The following NFATC1 variants were observed in gnomAD, a reference collection of about 807,000 sequenced individuals.
The protein encoded by NFATC1 is nuclear factor of activated T cells 1.
NFATC1 carries 22 observed loss-of-function variants against 76.0 expected under a neutral mutation model. The ratio of observed to expected loss-of-function variants is 0.29; its 90% confidence interval spans 0.21 to 0.41. The LOEUF (loss-of-function observed/expected upper bound fraction) is 0.41. Among genes scored for constraint, NFATC1 ranks in the 10% least tolerant of loss-of-function variants. NFATC1 has a pLI of 1.00. For missense variants in NFATC1, 1,357 were observed against 1,337.7 expected, an observed-to-expected ratio of 1.01 and a Z score of -0.23; for synonymous variants, 704 against 613.1, an observed-to-expected ratio of 1.15 and a Z score of -2.19.
intron 3 of NFATC1, among the ~76,000 whole-genome samples, chr18:79,436,594 A>G (rs773255773): frequency 1.9e-4 from 29 of 152,250 alleles, no homozygotes; most frequent in East Asian, 1.9e-4. Context: ...TGTGTTTCGC[A>G]GTTGGGAAGT....
intron 2 of NFATC1, among the ~76,000 whole-genome samples, chr18:79,428,958 C>T (rs550753839): frequency 1.3e-5 from 2 of 152,020 alleles, no homozygotes; most frequent in East Asian, 1.9e-4. Flanking sequence ...CAGTGGCTCA[C>T]GCCTGTAATC....
At chr18:79,447,716 T>C (rs1206403362) in intron 3 of NFATC1, among the ~76,000 whole-genome samples, 1 of 152,236 alleles carries the variant, frequency 6.6e-6, no homozygotes, top group Non-Finnish European at 1.5e-5. Context: ...TTGTGCTTGC[T>C]TTGAGAATCA....
chr18:79,459,854 TGCATCTGGGCTGGGG>T (rs2087965589), intron 6 of NFATC1, among the ~76,000 whole-genome samples: 1 of 152,162 alleles, frequency 6.6e-6, no homozygotes, highest in Admixed American at 6.5e-5. Context: ...TTCTGAGTGG[TGCATCTGGGCTGGGG>T]GCTTCTGGGA....
At position 79,410,259 on chromosome 18, in the gene NFATC1, C is replaced by A; in HGVS notation, c.128-144C>A. 1 of 1,331,300 alleles carries A rather than the reference C, an allele frequency of 7.5e-7. No individual in the cohort carries two copies. Among genetic ancestry groups the A allele is most frequent in the Non-Finnish European group, 1.0e-6 (1 of 972,562 alleles). The allele number at this position is 1,331,300 out of a possible 1,614,324, so 82.5% of individuals were successfully genotyped here. On this transcript the variant is annotated intron_variant, in intron 1 of 9. Coordinates refer to ENST00000427363, the MANE Select transcript of NFATC1 (RefSeq NM_001278669.2). The surrounding 1 kb of genome is among the most constrained non-coding windows in gnomAD (Gnocchi z 6.7). Reference sequence around the variant, plus strand: ...CAAGTCGCCCGGAGCTGTCCGGCAGCGTGGTCTCAGGGACGTTTGCTGAGG... The same window carrying A: ...CAAGTCGCCCGGAGCTGTCCGGCAGAGTGGTCTCAGGGACGTTTGCTGAGG...
intron 2 of NFATC1, among the ~76,000 whole-genome samples, chr18:79,426,236 CT>C (rs57237993): frequency 0.19 from 27,727 of 146,248 alleles, 5,440 homozygotes; most frequent in African/African-American, 0.5. Context: ...CAGGATATGT[CT>C]TTTTTTTTTT....
chr18:79,476,181 C>T (rs944337059), intron 8 of NFATC1, among the ~76,000 whole-genome samples: 24 of 152,328 alleles, frequency 1.6e-4, no homozygotes, highest in African/African-American at 2.4e-4. Context: ...GCAAGAGGGG[C>T]GCCCTGAGCT....
At chr18:79,511,464 C>G (rs1429019012) in intron 9 of NFATC1, among the ~76,000 whole-genome samples, 1 of 152,216 alleles carries the variant, frequency 6.6e-6, no homozygotes, top group Non-Finnish European at 1.5e-5. Context: ...GCAGTGACTC[C>G]ACGGTGGCTT....
At chr18:79,479,856 C>T (rs530640299) in intron 8 of NFATC1, among the ~76,000 whole-genome samples, 1 of 152,216 alleles carries the variant, frequency 6.6e-6, no homozygotes, top group African/African-American at 2.4e-5. Context: ...GGGGAAGGCC[C>T]GGTCCCGGTG....
rs760085835 is a variant in NFATC1 at position 79,486,675 on chromosome 18, C to T, written c.2520C>T (p.His840=). The T allele has an allele frequency of 1.4e-5, 23 of 1,602,978 alleles. No individual in the cohort carries two copies. In the East Asian group the frequency reaches 4.0e-4, roughly 28 times the overall value. ...PSSSCPPGLE[H]SLCPSSPSPP... ...GTAGCTGCCCCCCTGGTCTCGAACA[C>T]TCGCTCTGCCCCAGCAGCCCCTCTC... Residue 840 remains histidine (H), a synonymous_variant, in exon 9 of 10, where the codon CAC becomes CAT. Coordinates refer to ENST00000427363, the MANE Select transcript of NFATC1 (RefSeq NM_001278669.2).
intron 3 of NFATC1, among the ~76,000 whole-genome samples, chr18:79,444,375 C>T (rs961068174): frequency 6.6e-6 from 1 of 152,240 alleles, no homozygotes; most frequent in African/African-American, 2.4e-5. Context: ...CTGCACTGCA[C>T]ACTGGGAACC....
At chr18:79,415,680 G>C (rs2085853596) in intron 2 of NFATC1, among the ~76,000 whole-genome samples, 1 of 152,194 alleles carries the variant, frequency 6.6e-6, no homozygotes. Context: ...TTCCTAAGGG[G>C]CGAGATAGGC....
intron 7 of NFATC1, among the ~76,000 whole-genome samples, chr18:79,463,973 TTC>T (rs1424962824): frequency 6.6e-6 from 1 of 152,264 alleles, no homozygotes; most frequent in Non-Finnish European, 1.5e-5. Context: ...CTCTGTGATT[TTC>T]TGTTTTACTT....
chr18:79,489,572 C>A (rs1016080847), intron 9 of NFATC1, among the ~76,000 whole-genome samples: 1 of 152,204 alleles, frequency 6.6e-6, no homozygotes, highest in Non-Finnish European at 1.5e-5. Flanking sequence ...CAGTTCCCAG[C>A]GGGCCTCTCT....
intron 9 of NFATC1, among the ~76,000 whole-genome samples, chr18:79,510,724 CAG>C (rs2090223262): frequency 6.6e-6 from 1 of 152,244 alleles, no homozygotes; most frequent in African/African-American, 2.4e-5. Context: ...TTCTAGAAGA[CAG>C]GGTGTGGGGG....
At chr18:79,455,882 A>G (rs1017121417) in intron 6 of NFATC1, among the ~76,000 whole-genome samples, 1 of 152,164 alleles carries the variant, frequency 6.6e-6, no homozygotes, top group Admixed American at 6.5e-5. Context: ...CAGGAGACGC[A>G]GGCTAGGTTT....
At chr18:79,455,511 A>G (rs2087660297) in intron 6 of NFATC1, among the ~76,000 whole-genome samples, 1 of 152,154 alleles carries the variant, frequency 6.6e-6, no homozygotes, top group African/African-American at 2.4e-5. Flanking sequence ...CAGGGCTCCT[A>G]GGCCCAGGCC....
chr18:79,440,837 T>TG (rs1446776192), intron 3 of NFATC1, among the ~76,000 whole-genome samples: 2 of 152,262 alleles, frequency 1.3e-5, no homozygotes, highest in African/African-American at 4.8e-5. Flanking sequence ...GAGGAGCTGC[T>TG]GGGCGGGACG....
Position 79,404,889 on chromosome 18 carries a change from C to T in NFATC1, c.128-5514C>T, listed in dbSNP as rs2085382293. Among the ~76,000 whole-genome samples, 3 of 152,198 alleles carry T rather than the reference C, an allele frequency of 2.0e-5. 1 individual carries two copies. Among genetic ancestry groups the T allele is most frequent in the Admixed American group, 2.0e-4 (3 of 15,286 alleles). On this transcript the variant is annotated intron_variant, in intron 1 of 9. Transcript: ENST00000427363. ...GCTGTGCACCTGTAGGGAGCCCTGA[C>T]CAGAAGTATTTCATGTATTAATTTA...
intron 2 of NFATC1, among the ~76,000 whole-genome samples, chr18:79,415,352 G>A (rs1207766854): frequency 2.6e-5 from 4 of 151,956 alleles, no homozygotes; most frequent in African/African-American, 7.3e-5. Context: ...GCACAATCTC[G>A]GCTCACTGCA....
Sources: gnomAD v4.1 joint callset for allele counts (sites outside exome capture counted in the v4.1 genomes callset) on GRCh38, gnomAD v4.1.1 for gene constraint, Gnocchi (gnomAD v3.1) non-coding constraint, MANE v1.5 for transcripts, NCBI Gene and HGNC (gene_info 2026-07-23, HGNC 2026-07-21) for gene names.